The following BICD1 variants were observed in gnomAD, a reference collection of about 807,000 sequenced individuals.
BICD1 encodes protein bicaudal D homolog 1.
In BICD1, 35 loss-of-function variants were observed where a neutral mutation model predicts 92.5. The observed-to-expected ratio is 0.38, with a 90% confidence interval of 0.29 to 0.50. The LOEUF (loss-of-function observed/expected upper bound fraction) is 0.50, where lower values mean the gene tolerates loss of function less well. Among genes scored for constraint, BICD1 ranks in the 20% least tolerant of loss-of-function variants. The pLI, the probability that BICD1 is intolerant of heterozygous loss-of-function variation, is 0.93. For missense variants in BICD1, 950 were observed against 1,189.8 expected (o/e 0.80, Z 2.97); for synonymous variants, 429 against 465.1 (o/e 0.92, Z 1.00).
intron 8 of BICD1, among the ~76,000 whole-genome samples, chr12:32,355,949 A>C (rs938098427): frequency 6.6e-6 from 1 of 152,212 alleles, no homozygotes; most frequent in African/African-American, 2.4e-5. Context: ...ATTTCCGATG[A>C]ATATAATGAT....
intron 2 of BICD1, among the ~76,000 whole-genome samples, chr12:32,265,890 T>G (rs1168285037): frequency 6.6e-6 from 1 of 152,176 alleles, no homozygotes; most frequent in African/African-American, 2.4e-5. Flanking sequence ...AATTCTAAAG[T>G]ATAAAGAATG....
rs73080082 is a variant in BICD1 at position 32,369,340 on chromosome 12, A to G, written c.2840+1595A>G. ...CGGTTGTGGTTTTCATCATCTGCTC[A>G]GTGTTCTCTCCTTATCACAGCTGTT... On this transcript the variant is annotated intron_variant, in intron 9 of 9. Coordinates refer to ENST00000652176, the MANE Select transcript of BICD1 (RefSeq NM_001714.4). 3.5e-3 allele frequency among the ~76,000 whole-genome samples: 531 copies of G among 152,356 alleles called. 5 individuals are homozygous for G. Among genetic ancestry groups the G allele is most frequent in the Non-Finnish European group, 5.9e-3 (403 of 68,038 alleles).
At chr12:32,366,376 T>G (rs1772251636) in intron 8 of BICD1, among the ~76,000 whole-genome samples, 1 of 152,186 alleles carries the variant, frequency 6.6e-6, no homozygotes, top group African/African-American at 2.4e-5. Flanking sequence ...TCCCAGCACT[T>G]TGGGAGGCCG....
At chr12:32,357,011 G>GC (rs1939139464) in intron 8 of BICD1, among the ~76,000 whole-genome samples, 1 of 109,414 alleles carries the variant, frequency 9.1e-6, no homozygotes, top group African/African-American at 3.2e-5. Context: ...AGATTCTCCT[G>GC]CTTTTTTTTT....
At chr12:32,124,566 G>C (rs1592336240) in intron 1 of BICD1, among the ~76,000 whole-genome samples, 1 of 152,034 alleles carries the variant, frequency 6.6e-6, no homozygotes, top group Non-Finnish European at 1.5e-5. Context: ...GACAATAATA[G>C]TAATAATAAT....
intron 2 of BICD1, among the ~76,000 whole-genome samples, chr12:32,238,708 G>A (rs1241170951): frequency 6.6e-6 from 1 of 152,052 alleles, no homozygotes; most frequent in South Asian, 2.1e-4. Context: ...ACTTTGGGAG[G>A]CCAAGGTGGG....
intron 5 of BICD1, among the ~76,000 whole-genome samples, chr12:32,330,876 T>C (rs946545953): frequency 6.6e-6 from 1 of 152,242 alleles, no homozygotes; most frequent in Non-Finnish European, 1.5e-5. Context: ...GGCTCACGCC[T>C]GTAATGCCAG....
chr12:32,185,138 C>T (rs1382433764), intron 1 of BICD1, among the ~76,000 whole-genome samples: 1 of 152,206 alleles, frequency 6.6e-6, no homozygotes, highest in Non-Finnish European at 1.5e-5. Flanking sequence ...GAGCCCCTTT[C>T]ACATGACCTG....
At chr12:32,128,995 G>A (rs573974198) in intron 1 of BICD1, among the ~76,000 whole-genome samples, 1 of 151,900 alleles carries the variant, frequency 6.6e-6, no homozygotes, top group African/African-American at 2.4e-5. Context: ...AGGCTGGAGT[G>A]CAGTGGCACG....
In BICD1 at chr12:32,328,379, G is replaced by A. The variant is rs1445079135; in HGVS notation, c.1924G>A (p.Ala642Thr). Residue 642 changes from alanine to threonine, a missense_variant, in exon 5 of 10, where the codon GCT (alanine) becomes ACT (threonine). By Grantham distance (58) the Ala-to-Thr change is moderately conservative. Transcript: ENST00000652176. The surrounding 1 kb of genome is among the most constrained non-coding windows in gnomAD (Gnocchi z 4.4). ...GGACCAAATCAAGCATCTGCAGAAA[G>A]CTGTGGACCGGTCCTTGCAACTGTC... is the stretch of plus-strand genomic sequence containing the variant. Reference protein sequence around the residue: ...IRDQIKHLQKAVDRSLQLSRQ... With the variant: ...IRDQIKHLQKTVDRSLQLSRQ... 1 of 1,614,244 alleles carries A rather than the reference G, an allele frequency of 6.2e-7. No homozygotes were observed. The highest frequency in any genetic ancestry group is 8.5e-7 in the Non-Finnish European group (1 of 1,180,054).
Position 32,337,282 on chromosome 12 carries a change from A to G in BICD1, c.2253-217A>G, listed in dbSNP as rs879427450. Among the ~76,000 whole-genome samples the G allele has an allele frequency of 5.3e-5, 8 of 152,134 alleles. No individual in the cohort carries two copies. Among genetic ancestry groups the G allele is most frequent in the Admixed American group, 3.9e-4 (6 of 15,262 alleles). ...TAAACAAAACAACAACAACAAAATA[A>G]TAATAAATTTTTTAAAAATGTCCCA... On this transcript the variant is annotated intron_variant, in intron 6 of 9. Coordinates refer to ENST00000652176, the MANE Select transcript of BICD1 (RefSeq NM_001714.4). The surrounding 1 kb of genome is among the most constrained non-coding windows in gnomAD (Gnocchi z 4.7).
At chr12:32,247,799 A>AG (rs1413291111) in intron 2 of BICD1, among the ~76,000 whole-genome samples, 6 of 149,810 alleles carry the variant, frequency 4.0e-5, no homozygotes, top group Admixed American at 4.0e-4. Context: ...TCAAAAAAAA[A>AG]GAAGACTGAG....
At chr12:32,360,318 C>T (rs1032307835) in intron 8 of BICD1, among the ~76,000 whole-genome samples, 2 of 151,860 alleles carry the variant, frequency 1.3e-5, no homozygotes, top group African/African-American at 4.8e-5. Flanking sequence ...GAAGAGGTGC[C>T]TAAGGAGAAA....
chr12:32,117,327 G>T (rs921686921), intron 1 of BICD1, among the ~76,000 whole-genome samples: 2 of 152,048 alleles, frequency 1.3e-5, no homozygotes, highest in Non-Finnish European at 2.9e-5. Context: ...ATAAGTTTAT[G>T]TTTTTTATAC....
intron 2 of BICD1, among the ~76,000 whole-genome samples, chr12:32,257,976 T>C (rs1448013251): frequency 1.3e-5 from 2 of 152,228 alleles, no homozygotes; most frequent in East Asian, 3.8e-4. Context: ...TTAGCTATTA[T>C]GAAAGAGCTA....
intron 1 of BICD1, among the ~76,000 whole-genome samples, chr12:32,208,675 A>G (rs1410379090): frequency 2.0e-5 from 3 of 152,104 alleles, no homozygotes; most frequent in Admixed American, 2.0e-4. Flanking sequence ...TTCTTTTCTA[A>G]TTGAATCTAC....
At chr12:32,112,727 A>G (rs1239000412) in intron 1 of BICD1, among the ~76,000 whole-genome samples, 1 of 152,202 alleles carries the variant, frequency 6.6e-6, no homozygotes, top group African/African-American at 2.4e-5. Flanking sequence ...GGCCATGGCC[A>G]CATTTTGTCT....
intron 4 of BICD1, among the ~76,000 whole-genome samples, chr12:32,320,928 G>T (rs1481675269): frequency 6.6e-6 from 1 of 152,094 alleles, no homozygotes; most frequent in African/African-American, 2.4e-5. Context: ...ACTCTCTGTT[G>T]GATAAATTCT....
chr12:32,207,874 T>C (rs1217956351), intron 1 of BICD1, among the ~76,000 whole-genome samples: 1 of 152,198 alleles, frequency 6.6e-6, no homozygotes, highest in African/African-American at 2.4e-5. Flanking sequence ...GTTTAGTGTT[T>C]CACAAATGAG....
Sources: allele counts gnomAD v4.1 joint callset (sites outside exome capture counted in the v4.1 genomes callset), GRCh38; gene constraint gnomAD v4.1.1; non-coding constraint Gnocchi (gnomAD v3.1); transcripts MANE v1.5; gene names NCBI Gene and HGNC (gene_info 2026-07-23, HGNC 2026-07-21).